The following CRY1 variants were observed in gnomAD, a reference collection of about 807,000 sequenced individuals.
CRY1 encodes cryptochrome circadian regulator 1, also known as cryptochrome-1.
Under a neutral mutation model 76.0 loss-of-function variants are expected in CRY1, and 45 were observed. The observed-to-expected ratio is 0.59, with a 90% CI of 0.47 to 0.76. The LOEUF is 0.76. Ranked by LOEUF, CRY1 falls within the 30% of genes least tolerant of loss-of-function variation. CRY1 has a pLI of 0.00. For missense variants in CRY1, 587 were observed against 716.4 expected (o/e 0.82, Z 2.06); for synonymous variants, 248 against 244.0 (o/e 1.02, Z -0.15).
chr12:107,083,599 T>G (rs930857895), intron 1 of CRY1, among the ~76,000 whole-genome samples: 29 of 152,130 alleles, frequency 1.9e-4, no homozygotes, highest in Non-Finnish European at 3.5e-4. Flanking sequence ...ACCACACAAT[T>G]ATCTCAATAG....
chr12:107,020,239 T>C (rs1422191926), intron 2 of CRY1, among the ~76,000 whole-genome samples: 5 of 149,482 alleles, frequency 3.3e-5, no homozygotes, highest in South Asian at 2.1e-4. Context: ...GCACTGGGGA[T>C]TGATCTTCTC....
intron 1 of CRY1, among the ~76,000 whole-genome samples, chr12:107,075,954 T>C (rs1286827390): frequency 1.3e-5 from 2 of 152,120 alleles, no homozygotes; most frequent in Non-Finnish European, 2.9e-5. Context: ...TAGGTGAATG[T>C]TGACATTTAC....
intron 1 of CRY1, among the ~76,000 whole-genome samples, chr12:107,058,425 T>C (rs1184824242): frequency 6.6e-6 from 1 of 151,806 alleles, no homozygotes; most frequent in East Asian, 1.9e-4. Flanking sequence ...TGAGCTCAAG[T>C]TGAGAAAATA....
intron 1 of CRY1, among the ~76,000 whole-genome samples, chr12:107,027,116 T>C (rs1005569136): frequency 6.6e-6 from 1 of 152,162 alleles, no homozygotes; most frequent in Non-Finnish European, 1.5e-5. Context: ...GAACGAATAA[T>C]GTTACTTCAA....
chr12:107,079,714 T>C (rs1953299821), intron 1 of CRY1, among the ~76,000 whole-genome samples: 1 of 152,098 alleles, frequency 6.6e-6, no homozygotes, highest in African/African-American at 2.4e-5. Context: ...GCCTTGCTTA[T>C]TAAGATCCAC....
intron 3 of CRY1, among the ~76,000 whole-genome samples, chr12:107,003,947 A>T (rs1952341642): frequency 6.6e-6 from 1 of 151,278 alleles, no homozygotes. Context: ...GCTGGATTAC[A>T]GGCACCCGCC....
chr12:107,012,978 A>T, intron 2 of CRY1, among the ~76,000 whole-genome samples: 1 of 152,238 alleles, frequency 6.6e-6, no homozygotes, highest in Non-Finnish European at 1.5e-5. Flanking sequence ...TCTATGGATG[A>T]GCAAGAAAGT....
Position 107,032,556 on chromosome 12 carries a change from C to T in CRY1, c.159-10364G>A, listed in dbSNP as rs376772779. On this transcript the variant is annotated intron_variant, in intron 1 of 12. Coordinates refer to ENST00000008527, the MANE Select transcript of CRY1 (RefSeq NM_004075.5). ...TCACAAATCCTCTCTGTATTCTCAA[C>T]TTTAAAACTCAGACTTCAGGCCAGG... 2.6e-4 allele frequency among the ~76,000 whole-genome samples: 40 copies of T among 152,160 alleles called. No individual in the cohort carries two copies. In the East Asian group the frequency reaches 7.0e-3, roughly 27 times the overall value.
intron 1 of CRY1, among the ~76,000 whole-genome samples, chr12:107,067,320 G>A (rs370103255): frequency 3.9e-5 from 6 of 152,164 alleles, no homozygotes; most frequent in South Asian, 2.1e-4. Context: ...CTATACTATC[G>A]ACTCTATATT....
chr12:106,998,765 G>A (rs750166157), intron 7 of CRY1, among the ~76,000 whole-genome samples: 25 of 151,500 alleles, frequency 1.7e-4, no homozygotes, highest in Non-Finnish European at 2.7e-4. Context: ...CGTAATGGCC[G>A]GGCACGGTGG....
At chr12:107,014,379 G>T (rs10746073) in intron 2 of CRY1, among the ~76,000 whole-genome samples, 4 of 151,870 alleles carry the variant, frequency 2.6e-5, no homozygotes, top group Admixed American at 1.3e-4. Flanking sequence ...CTGATCCTCC[G>T]GCATACTCAT....
intron 5 of CRY1, among the ~76,000 whole-genome samples, chr12:107,000,529 T>C (rs1035312683): frequency 1.3e-5 from 2 of 152,142 alleles, no homozygotes; most frequent in African/African-American, 2.4e-5. Context: ...TTTGTATTTT[T>C]AGTAGGGATG....
chr12:107,004,677 G>A (rs1000196085), intron 3 of CRY1, among the ~76,000 whole-genome samples: 1 of 152,036 alleles, frequency 6.6e-6, no homozygotes, highest in Non-Finnish European at 1.5e-5. Flanking sequence ...AATCCAGACA[G>A]ACATAATAGA....
intron 1 of CRY1, among the ~76,000 whole-genome samples, chr12:107,060,929 C>A (rs12299998): frequency 7.3e-4 from 111 of 152,136 alleles, no homozygotes; most frequent in African/African-American, 2.6e-3. Flanking sequence ...GAGCTGAGAT[C>A]GCGCCACTGC....
intron 3 of CRY1, 85 bp downstream of exon 3, chr12:107,005,021 C>T: frequency 7.6e-7 from 1 of 1,314,340 alleles, no homozygotes; most frequent in East Asian, 2.4e-5. Flanking sequence ...GTTAATACCA[C>T]CGAACTATAT....
chr12:107,058,179 A>G (rs1229557487), intron 1 of CRY1, among the ~76,000 whole-genome samples: 1 of 152,216 alleles, frequency 6.6e-6, no homozygotes, highest in Admixed American at 6.5e-5. Flanking sequence ...AAATTAACAA[A>G]GAGAATACAA....
intron 2 of CRY1, among the ~76,000 whole-genome samples, chr12:107,011,622 C>T (rs775257778): frequency 2.6e-5 from 4 of 152,158 alleles, no homozygotes; most frequent in Non-Finnish European, 4.4e-5. Flanking sequence ...TAACACTCTT[C>T]GATTCTGTGA....
intron 10 of CRY1, among the ~76,000 whole-genome samples, chr12:106,995,424 T>TTCC (rs1276210505): frequency 6.6e-6 from 1 of 152,194 alleles, no homozygotes; most frequent in East Asian, 1.9e-4. Flanking sequence ...TAAAAAAGCA[T>TTCC]TCCTCAAATG....
At chr12:107,071,656 G>A (rs1008364257) in intron 1 of CRY1, among the ~76,000 whole-genome samples, 1 of 151,612 alleles carries the variant, frequency 6.6e-6, no homozygotes, top group African/African-American at 2.4e-5. Flanking sequence ...GCTTTGAAAA[G>A]ATCAATAAAG....
Sources: allele counts gnomAD v4.1 joint callset (sites outside exome capture counted in the v4.1 genomes callset), GRCh38; gene constraint gnomAD v4.1.1; transcripts MANE v1.5; gene names NCBI Gene and HGNC (gene_info 2026-07-23, HGNC 2026-07-21).